AOAH: variants seen among roughly 807,000 people sequenced by gnomAD.
AOAH encodes the protein acyloxyacyl hydrolase (neutrophil).
AOAH carries 64 observed loss-of-function variants against 92.2 expected under a neutral mutation model. The ratio of observed to expected loss-of-function variants is 0.69; its 90% CI spans 0.57 to 0.86. The LOEUF is 0.86. AOAH is among the 40% of genes least tolerant of loss of function. AOAH has a pLI of 0.00. For missense variants in AOAH, 656 were observed against 694.6 expected (o/e 0.94, Z 0.62); for synonymous variants, 263 against 254.5 (o/e 1.03, Z -0.32).
At position 36,654,415 on chromosome 7, in the gene AOAH, T is replaced by C. The variant is rs1385920338; in HGVS notation, c.390+4751A>G. On this transcript the variant is annotated intron_variant, in intron 4 of 20. Coordinates refer to ENST00000617537, the MANE Select transcript of AOAH (RefSeq NM_001637.4). ...TCCTTTTTGAGCACACAGTAGATAG[T>C]GGTAGGGAGACACGTCCACAGGACC... is the stretch of plus-strand genomic sequence containing the variant. 2.0e-5 allele frequency among the ~76,000 whole-genome samples: 3 copies of C among 152,134 alleles called. No individual in the cohort carries two copies. In the East Asian group the frequency reaches 5.8e-4, roughly 29 times the overall value.
Position 36,513,135 on chromosome 7 carries a change from C to T in AOAH, c.*117G>A. On this transcript the variant is annotated 3_prime_UTR_variant, in exon 21 of 21. Coordinates refer to ENST00000617537, the MANE Select transcript of AOAH (RefSeq NM_001637.4). ...GAGAGAAAGACATTTTGCAAAGATGCTGCTGAAGAAGAGTCCTTTGGGCCT... is the reference window on the plus strand; with the variant it reads ...GAGAGAAAGACATTTTGCAAAGATGTTGCTGAAGAAGAGTCCTTTGGGCCT... 1 of 1,610,716 alleles carries T rather than the reference C, an allele frequency of 6.2e-7. No homozygotes were observed. Among genetic ancestry groups the T allele is most frequent in the Non-Finnish European group, 8.5e-7 (1 of 1,179,918 alleles).
chr7:36,654,101 G>A lies in AOAH; in HGVS notation c.390+5065C>T, dbSNP rs371641203. Among the ~76,000 whole-genome samples, 100 of 152,228 alleles carry A rather than the reference G, an allele frequency of 6.6e-4. 2 individuals carry two copies. The South Asian group carries it at 0.019, about 29-fold the overall frequency. ...GAGGGCTCAAGGGAGAGCCAGTCAC[G>A]TGCATGCATCCCTGTGCGTGTGTGC... On this transcript the variant is annotated intron_variant, in intron 4 of 20. Coordinates refer to ENST00000617537, the MANE Select transcript of AOAH (RefSeq NM_001637.4).
chr7:36,569,210 GGT>G (rs142681106), intron 13 of AOAH, among the ~76,000 whole-genome samples: 347 of 152,248 alleles, frequency 2.3e-3, no homozygotes, highest in African/African-American at 7.6e-3. Flanking sequence ...ACCCCAAAGA[GGT>G]GTGTATATAA....
At chr7:36,632,695 C>T (rs1793212079) in intron 5 of AOAH, among the ~76,000 whole-genome samples, 1 of 152,130 alleles carries the variant, frequency 6.6e-6, no homozygotes, top group South Asian at 2.1e-4. Context: ...CAATGCTTTC[C>T]TCAACTTAAA....
chr7:36,719,939 TAAA>T (rs34744842), intron 1 of AOAH, among the ~76,000 whole-genome samples: 2 of 143,904 alleles, frequency 1.4e-5, no homozygotes, highest in Admixed American at 6.9e-5. Context: ...TTGTCTTTAT[TAAA>T]AAAAAAAAAA....
intron 4 of AOAH, among the ~76,000 whole-genome samples, chr7:36,641,526 G>C (rs58213232): frequency 6.6e-6 from 1 of 152,294 alleles, no homozygotes; most frequent in African/African-American, 2.4e-5. Context: ...TTATGAAAAT[G>C]AGAAAGACTA....
At chr7:36,718,915 A>G (rs1225964277) in intron 1 of AOAH, among the ~76,000 whole-genome samples, 1 of 152,250 alleles carries the variant, frequency 6.6e-6, no homozygotes, top group Non-Finnish European at 1.5e-5. Flanking sequence ...ACACTTTAAA[A>G]GAGTGAAGTT....
chr7:36,548,374 C>T (rs1302351494), intron 15 of AOAH, among the ~76,000 whole-genome samples: 4 of 152,218 alleles, frequency 2.6e-5, no homozygotes, highest in Admixed American at 1.3e-4. Flanking sequence ...TTAGTAGAGA[C>T]GGGGTTTCAC....
chr7:36,583,254 G>T (rs2116699770), intron 12 of AOAH, among the ~76,000 whole-genome samples: 1 of 152,290 alleles, frequency 6.6e-6, no homozygotes, highest in Middle Eastern at 3.4e-3. Flanking sequence ...TTAGGGAGGG[G>T]AGTAAATTAG....
intron 12 of AOAH, among the ~76,000 whole-genome samples, chr7:36,589,978 CTGTTGCCCAGGCTGGAGTA>C (rs1789629961): frequency 6.6e-6 from 1 of 151,870 alleles, no homozygotes; most frequent in East Asian, 1.9e-4. Context: ...GGGTCTTGTT[CTGTTGCCCAGGCTGGAGTA>C]CAGTGGCGTG....
intron 11 of AOAH, among the ~76,000 whole-genome samples, chr7:36,594,845 T>C (rs1211476021): frequency 6.6e-6 from 1 of 151,982 alleles, no homozygotes; most frequent in Non-Finnish European, 1.5e-5. Flanking sequence ...CTTCCCTGGG[T>C]TCAAAGCTAT....
At chr7:36,515,459 A>G (rs1310778139) in intron 20 of AOAH, among the ~76,000 whole-genome samples, 1 of 101,432 alleles carries the variant, frequency 9.9e-6, no homozygotes, top group Admixed American at 1.3e-4. Flanking sequence ...CACACACCAC[A>G]CACCACACCC....
chr7:36,635,735 G>T (rs752800080), intron 5 of AOAH, among the ~76,000 whole-genome samples: 55 of 152,162 alleles, frequency 3.6e-4, no homozygotes, highest in Admixed American at 1.4e-3. Flanking sequence ...TACTGAACGT[G>T]GAGATAGCTA....
At chr7:36,526,266 T>A (rs1051578346) in intron 19 of AOAH, among the ~76,000 whole-genome samples, 9 of 150,758 alleles carry the variant, frequency 6.0e-5, no homozygotes, top group African/African-American at 2.2e-4. Context: ...AACATCATTT[T>A]TTTCCCCCAT....
At chr7:36,685,359 T>C (rs558807504) in intron 2 of AOAH, among the ~76,000 whole-genome samples, 2 of 152,094 alleles carry the variant, frequency 1.3e-5, no homozygotes, top group Non-Finnish European at 2.9e-5. Context: ...AATCAGCACA[T>C]TGAGCTTTTT....
At chr7:36,721,623 G>A (rs1330589585) in intron 1 of AOAH, among the ~76,000 whole-genome samples, 1 of 152,214 alleles carries the variant, frequency 6.6e-6, no homozygotes, top group African/African-American at 2.4e-5. Context: ...ACCAGAAGAA[G>A]TTGGGAGTTG....
intron 5 of AOAH, among the ~76,000 whole-genome samples, 182 bp downstream of exon 5, chr7:36,637,669 G>A (rs551300648): frequency 5.3e-5 from 8 of 152,152 alleles, no homozygotes; most frequent in African/African-American, 1.9e-4. Context: ...AAACCACACT[G>A]TAGTGAGAAG....
intron 15 of AOAH, among the ~76,000 whole-genome samples, chr7:36,546,455 C>T (rs1013834461): frequency 6.6e-6 from 1 of 152,202 alleles, no homozygotes; most frequent in Non-Finnish European, 1.5e-5. Flanking sequence ...ACAGGGACAT[C>T]CCATACTGCC....
At chr7:36,534,984 TTGTGTG>T (rs889339907) in intron 16 of AOAH, among the ~76,000 whole-genome samples, 1 of 141,794 alleles carries the variant, frequency 7.1e-6, no homozygotes, top group Non-Finnish European at 1.6e-5. Flanking sequence ...GTGTGTGTGT[TTGTGTG>T]TGTCTGCTTG....
Sources: allele counts gnomAD v4.1 joint callset (sites outside exome capture counted in the v4.1 genomes callset), GRCh38; gene constraint gnomAD v4.1.1; transcripts MANE v1.5; gene names NCBI Gene and HGNC (gene_info 2026-07-23, HGNC 2026-07-21).